ERC2: variants seen among roughly 807,000 people sequenced by gnomAD.
The protein encoded by ERC2 is ERC protein 2.
Under a neutral mutation model 114.8 loss-of-function variants are expected in ERC2, and 42 were observed. The observed-to-expected ratio is 0.37, with a 90% confidence interval of 0.29 to 0.47. ERC2 has a LOEUF of 0.47. Among genes scored for constraint, ERC2 ranks in the 20% least tolerant of loss-of-function variants. The pLI is 0.99. For synonymous variants in ERC2, 454 were observed against 425.5 expected (o/e 1.07, Z -0.82); for missense variants, 939 against 1,150.7 (o/e 0.82, Z 2.66).
intron 16 of ERC2, among the ~76,000 whole-genome samples, chr3:55,697,460 C>A (rs2148818956): frequency 6.6e-6 from 1 of 152,308 alleles, no homozygotes; most frequent in South Asian, 2.1e-4. Context: ...AGGACACCAC[C>A]CTATGACAAA....
intron 7 of ERC2, among the ~76,000 whole-genome samples, chr3:56,053,364 GAT>G (rs1271615240): frequency 6.6e-6 from 1 of 152,198 alleles, no homozygotes; most frequent in Non-Finnish European, 1.5e-5. Flanking sequence ...GACTGTGAGG[GAT>G]GGGGAGAAGT....
chr3:56,243,505 C>T (rs2051464132), intron 3 of ERC2, among the ~76,000 whole-genome samples: 1 of 152,092 alleles, frequency 6.6e-6, no homozygotes, highest in African/African-American at 2.4e-5. Context: ...AAGCCATATA[C>T]AGGACAGGGA....
chr3:55,522,537 C>T (rs1453422128), intron 17 of ERC2, among the ~76,000 whole-genome samples: 2 of 146,002 alleles, frequency 1.4e-5, no homozygotes, highest in African/African-American at 5.2e-5. Context: ...AATAACATTC[C>T]CCTCCAAAGA....
chr3:55,726,853 CA>C (rs2064955064), intron 15 of ERC2, among the ~76,000 whole-genome samples: 1 of 152,152 alleles, frequency 6.6e-6, no homozygotes, highest in Non-Finnish European at 1.5e-5. Flanking sequence ...TGGCCAAAAG[CA>C]ATGCCCAGAA....
At chr3:56,394,491 T>A (rs1388640153) in intron 2 of ERC2, among the ~76,000 whole-genome samples, 1 of 152,140 alleles carries the variant, frequency 6.6e-6, no homozygotes, top group Non-Finnish European at 1.5e-5. Context: ...CTAGAATATA[T>A]AAAGAACTCT....
intron 1 of ERC2, among the ~76,000 whole-genome samples, chr3:56,457,022 A>G (rs2063095263): frequency 6.6e-6 from 1 of 152,178 alleles, no homozygotes; most frequent in Admixed American, 6.6e-5. Context: ...ATAACTCCCA[A>G]TCTTGTACAT....
intron 14 of ERC2, among the ~76,000 whole-genome samples, chr3:55,879,312 A>G (rs1208084372): frequency 6.6e-6 from 1 of 152,080 alleles, no homozygotes; most frequent in East Asian, 1.9e-4. Flanking sequence ...TCCTGCTGCT[A>G]CAGAGTTCTT....
intron 3 of ERC2, among the ~76,000 whole-genome samples, chr3:56,189,946 C>T (rs1387756762): frequency 1.3e-5 from 2 of 152,166 alleles, no homozygotes; most frequent in East Asian, 1.9e-4. Context: ...ACATAAGTGA[C>T]AACACATGAA....
At chr3:56,207,641 T>C (rs934686038) in intron 3 of ERC2, among the ~76,000 whole-genome samples, 3 of 152,172 alleles carry the variant, frequency 2.0e-5, no homozygotes, top group African/African-American at 7.2e-5. Context: ...AGGGAACTTT[T>C]CTCAAGAAGA....
At chr3:55,683,032 G>C (rs1409673637) in intron 17 of ERC2, among the ~76,000 whole-genome samples, 2 of 152,180 alleles carry the variant, frequency 1.3e-5, no homozygotes, top group Non-Finnish European at 2.9e-5. Flanking sequence ...TGTAAATAAA[G>C]GGTGGATTCT....
chr3:55,637,589 C>G (rs1172706788), intron 17 of ERC2, among the ~76,000 whole-genome samples: 2 of 152,146 alleles, frequency 1.3e-5, no homozygotes, highest in Non-Finnish European at 2.9e-5. Context: ...AGTCTCTGCC[C>G]CTGGGTGCAA....
chr3:55,708,656 C>A (rs1189815699), intron 15 of ERC2, among the ~76,000 whole-genome samples: 1 of 152,126 alleles, frequency 6.6e-6, no homozygotes, highest in East Asian at 1.9e-4. Flanking sequence ...TGGAAACATT[C>A]TGTGCATGGT....
At chr3:56,051,015 G>A (rs929199628) in intron 7 of ERC2, among the ~76,000 whole-genome samples, 1 of 152,174 alleles carries the variant, frequency 6.6e-6, no homozygotes, top group African/African-American at 2.4e-5. Flanking sequence ...ACAGAGGAAA[G>A]CCCATTCCCC....
chr3:56,467,772 G>A (rs151115467), intron 1 of ERC2, among the ~76,000 whole-genome samples: 3,812 of 151,856 alleles, frequency 0.025, 65 homozygotes, highest in Middle Eastern at 0.058. Flanking sequence ...CAGGCGGCCA[G>A]CCACCCCACC....
At chr3:55,953,875 A>G (rs892240117) in intron 12 of ERC2, among the ~76,000 whole-genome samples, 3 of 152,118 alleles carry the variant, frequency 2.0e-5, no homozygotes, top group African/African-American at 7.2e-5. Context: ...ATCTTCCCCT[A>G]CCTGCAGAAG....
At chr3:55,984,497 G>T (rs2070429470) in intron 12 of ERC2, among the ~76,000 whole-genome samples, 1 of 152,078 alleles carries the variant, frequency 6.6e-6, no homozygotes, top group Non-Finnish European at 1.5e-5. Flanking sequence ...AGGCAGGCAA[G>T]GAGAAAAGCT....
At chr3:55,837,047 A>G (rs947820233) in intron 14 of ERC2, among the ~76,000 whole-genome samples, 6 of 152,252 alleles carry the variant, frequency 3.9e-5, no homozygotes, top group Admixed American at 3.9e-4. Context: ...AATCAAAACC[A>G]CAATGAGATA....
At chr3:55,710,724 T>C (rs1203594039) in intron 15 of ERC2, among the ~76,000 whole-genome samples, 1 of 152,186 alleles carries the variant, frequency 6.6e-6, no homozygotes, top group East Asian at 1.9e-4. Context: ...GGCGGGTAAC[T>C]TGAAAGTTGG....
chr3:55,770,044 G>T (rs188945626), intron 14 of ERC2, among the ~76,000 whole-genome samples: 18 of 152,302 alleles, frequency 1.2e-4, no homozygotes, highest in Non-Finnish European at 1.3e-4. Flanking sequence ...TGACGAATGG[G>T]ATATAAGAGA....
Sources: allele counts gnomAD v4.1 joint callset (sites outside exome capture counted in the v4.1 genomes callset), GRCh38; gene constraint gnomAD v4.1.1; transcripts MANE v1.5; gene names NCBI Gene and HGNC (gene_info 2026-07-23, HGNC 2026-07-21).